GABRP: variants seen among roughly 807,000 people sequenced by gnomAD.
The protein encoded by GABRP is gamma-aminobutyric acid receptor subunit pi.
Under a neutral mutation model 47.8 loss-of-function variants are expected in GABRP, and 52 were observed. The ratio of observed to expected loss-of-function variants is 1.09; its 90% CI spans 0.87 to 1.37. The LOEUF is 1.37. Ranked by LOEUF, GABRP falls within the 40% of genes most tolerant of loss-of-function variation. The pLI, the probability that GABRP is intolerant of heterozygous loss-of-function variation, is 0.00. For synonymous variants in GABRP, 221 were observed against 205.8 expected (o/e 1.07, Z -0.63); for missense variants, 525 against 542.8 (o/e 0.97, Z 0.33).
intron 4 of GABRP, 59 bp downstream of exon 4, chr5:170,794,357 A>G (rs1765364514): frequency 2.6e-6 from 2 of 777,438 alleles, no homozygotes; most frequent in South Asian, 3.7e-5. Context: ...TTTAAAGGGG[A>G]TATGCTTTCT....
At chr5:170,795,467 T>C (rs2127256005) in intron 5 of GABRP, 42 bp downstream of exon 5, 1 of 1,523,298 alleles carries the variant, frequency 6.6e-7, no homozygotes. Flanking sequence ...GGACGGCAGC[T>C]GGGAGAAAAC....
Position 170,788,638 on chromosome 5 carries a change from C to A in GABRP, c.23C>A (p.Ala8Asp). ...AACATGAACTACAGCCTCCACTTGG[C>A]CTTCGTGTGTCTGAGTCTCTTCACT... The part of the protein sequence containing the change: MNYSLHL[A>D]FVCLSLFTER... Residue 8 changes from alanine to aspartate, a missense_variant, in exon 2 of 10, where the codon GCC becomes GAC. Coordinates refer to ENST00000265294, the MANE Select transcript of GABRP (RefSeq NM_014211.3). 4 of 1,614,158 alleles carry A rather than the reference C, an allele frequency of 2.5e-6. No homozygotes were observed. The highest frequency in any genetic ancestry group is 3.4e-6 in the Non-Finnish European group (4 of 1,180,026).
intron 7 of GABRP, among the ~76,000 whole-genome samples, chr5:170,807,135 G>T (rs1765757228): frequency 6.6e-6 from 1 of 151,822 alleles, no homozygotes; most frequent in African/African-American, 2.4e-5. Flanking sequence ...TTATTGTAGA[G>T]ATGAGGTTAC....
intron 7 of GABRP, 77 bp downstream of exon 7, chr5:170,805,930 C>T (rs1446386604): frequency 1.5e-5 from 22 of 1,503,446 alleles, no homozygotes; most frequent in African/African-American, 1.1e-4. Flanking sequence ...TCAGAAATAT[C>T]GTCTTCTCAC....
At chr5:170,790,529 T>G (rs1765236531) in intron 3 of GABRP, among the ~76,000 whole-genome samples, 1 of 152,150 alleles carries the variant, frequency 6.6e-6, no homozygotes. Flanking sequence ...TGATGACTTC[T>G]TCAAGCTATT....
At chr5:170,788,347 T>TAAA in intron 1 of GABRP, 1 of 347,812 alleles carries the variant, frequency 2.9e-6, no homozygotes. Context: ...AGGCCCTGTT[T>TAAA]AAAAAAAATA....
intron 3 of GABRP, among the ~76,000 whole-genome samples, chr5:170,790,488 C>T (rs1270348426): frequency 6.6e-6 from 1 of 152,130 alleles, no homozygotes; most frequent in African/African-American, 2.4e-5. Flanking sequence ...ATGTGGTAGT[C>T]CAGATCCTCC....
intron 9 of GABRP, among the ~76,000 whole-genome samples, chr5:170,811,013 C>T (rs779063526): frequency 6.6e-6 from 1 of 151,538 alleles, no homozygotes; most frequent in Non-Finnish European, 1.5e-5. Context: ...CTAAAGACAC[C>T]AGAAAGCTCT....
chr5:170,810,057 A>T, intron 9 of GABRP: 1 of 664,858 alleles, frequency 1.5e-6, no homozygotes, highest in Admixed American at 2.2e-5. Context: ...TCCAATATGA[A>T]AAAAACATGA....
In GABRP at chr5:170,809,484, A is replaced by G. The variant is rs555036004; in HGVS notation, c.833-84A>G. The G allele has an allele frequency of 1.6e-3, 2,173 of 1,391,476 alleles. 6 individuals are homozygous for G. Among genetic ancestry groups the G allele is most frequent in the Middle Eastern group, 3.0e-3 (12 of 3,976 alleles). The allele number at this position is 1,391,476 out of a possible 1,614,324, so 86.2% of individuals were successfully genotyped here. A position where few individuals can be genotyped will look rare whatever the true frequency, so the allele number is the denominator to read the frequency against. On this transcript the variant is annotated intron_variant, in intron 8 of 9. Coordinates refer to ENST00000265294, the MANE Select transcript of GABRP (RefSeq NM_014211.3). ...TCTGGGTCTTGCCCTCACCCTGCCA[A>G]TTCTCAAATGGGGACACTCTGCCAG... is the stretch of plus-strand genomic sequence containing the variant.
intron 1 of GABRP, among the ~76,000 whole-genome samples, chr5:170,787,480 G>A (rs995436686): frequency 1.9e-4 from 29 of 152,166 alleles, no homozygotes; most frequent in African/African-American, 6.0e-4. Flanking sequence ...CATGCCCCAC[G>A]GATGGTCCTC....
rs368063746 is a variant in GABRP at position 170,805,680 on chromosome 5, C to A, written c.542-36C>A. The A allele has an allele frequency of 3.3e-5, 53 of 1,612,534 alleles. 1 individual carries two copies. In the South Asian group the frequency reaches 5.7e-4, roughly 17 times the overall value. ...GACCAGACCAGTTCAATCTGGAACA[C>A]CCTTGCACTGACCAGGGCTCCATTT... On this transcript the variant is annotated intron_variant, in intron 6 of 9. Transcript: ENST00000265294.
At chr5:170,811,125 G>T (rs761987338) in intron 9 of GABRP, among the ~76,000 whole-genome samples, 12 of 148,928 alleles carry the variant, frequency 8.1e-5, no homozygotes, top group Non-Finnish European at 1.0e-4. Context: ...ACAATGAAAT[G>T]AGTACCATTA....
At position 170,812,180 on chromosome 5, in the gene GABRP, T is replaced by C. The variant is rs772656047; in HGVS notation, c.1245T>C (p.Asp415=). The C allele has an allele frequency of 6.2e-7, 1 of 1,614,024 alleles. No homozygotes were observed. The highest frequency in any genetic ancestry group is 8.5e-7 in the Non-Finnish European group (1 of 1,179,898). Residue 415 remains aspartate (D), a synonymous_variant, in exon 10 of 10, where the codon GAT becomes GAC. Transcript: ENST00000265294. ...YFTIQNPSNV[D]HYSKLLFPLI... ...CAATTCAAAACCCCAGTAATGTTGA[T>C]CACTATTCCAAACTACTGTTTCCTT...
chr5:170,787,353 C>T (rs1389709935), intron 1 of GABRP, among the ~76,000 whole-genome samples: 2 of 152,210 alleles, frequency 1.3e-5, no homozygotes, highest in Non-Finnish European at 2.9e-5. Context: ...CCTGAGCACC[C>T]CCATTCTGCT....
At position 170,812,166 on chromosome 5, in the gene GABRP, C is replaced by G; in HGVS notation, c.1231C>G (p.Pro411Ala). The G allele has an allele frequency of 1.2e-6, 2 of 1,613,786 alleles. No homozygotes were observed. The highest frequency in any genetic ancestry group is 3.3e-5 in the Admixed American group (2 of 59,990). ...RIVDYFTIQNPSNVDHYSKLL... is the reference protein window; with the variant it reads ...RIVDYFTIQNASNVDHYSKLL... ...TGTTGATTATTTCACAATTCAAAACCCCAGTAATGTTGATCACTATTCCAA... is the reference window on the plus strand; with the variant it reads ...TGTTGATTATTTCACAATTCAAAACGCCAGTAATGTTGATCACTATTCCAA... The change falls in exon 10 of 10, where the codon CCC (proline) becomes GCC (alanine). Residue 411 changes from proline to alanine, a missense_variant. By Grantham distance (27) the Pro-to-Ala change is conservative. Coordinates refer to ENST00000265294, the MANE Select transcript of GABRP (RefSeq NM_014211.3).
intron 9 of GABRP, chr5:170,809,991 A>G (rs930796128): frequency 1.4e-6 from 1 of 701,972 alleles, no homozygotes; most frequent in Non-Finnish European, 2.6e-6. Flanking sequence ...AGCAGAAAAT[A>G]TGTTATCTGT....
At chr5:170,790,888 C>T (rs1765246788) in intron 3 of GABRP, among the ~76,000 whole-genome samples, 1 of 152,188 alleles carries the variant, frequency 6.6e-6, no homozygotes, top group African/African-American at 2.4e-5. Context: ...CTCAGTCAAT[C>T]ACACCTGCTC....
At chr5:170,788,767 C>T in intron 2 of GABRP, 99 bp downstream of exon 2, 2 of 1,134,630 alleles carry the variant, frequency 1.8e-6, no homozygotes, top group East Asian at 4.7e-5. Context: ...CACAGCAAGG[C>T]AAAACCCGGT....
Sources: allele counts gnomAD v4.1 joint callset (sites outside exome capture counted in the v4.1 genomes callset), GRCh38; gene constraint gnomAD v4.1.1; transcripts MANE v1.5; gene names NCBI Gene and HGNC (gene_info 2026-07-23, HGNC 2026-07-21).